The following EVC2 variants were observed in gnomAD, a reference collection of about 807,000 sequenced individuals.
EVC2 encodes limbin.
In EVC2, 148 loss-of-function variants were observed where a neutral mutation model predicts 149.3. The ratio of observed to expected loss-of-function variants is 0.99; its 90% CI spans 0.87 to 1.14. The LOEUF is 1.14. Among genes scored for constraint, EVC2 ranks in the 50% most tolerant of loss-of-function variants. EVC2 has a pLI of 0.00. For missense variants in EVC2, 1,854 were observed against 1,627.3 expected, an observed-to-expected ratio of 1.14 and a Z score of -2.40; for synonymous variants, 776 against 649.9, an observed-to-expected ratio of 1.19 and a Z score of -2.95.
At chr4:5,630,349 C>T (rs1716442621) in intron 11 of EVC2, among the ~76,000 whole-genome samples, 1 of 152,274 alleles carries the variant, frequency 6.6e-6, no homozygotes, top group African/African-American at 2.4e-5. Flanking sequence ...ATGCTGAGGA[C>T]CTGCTCACAG....
At chr4:5,659,528 G>C (rs1003375916) in intron 9 of EVC2, among the ~76,000 whole-genome samples, 14 of 152,052 alleles carry the variant, frequency 9.2e-5, no homozygotes, top group African/African-American at 3.4e-4. Context: ...CTGGGGGAGA[G>C]GAAGAGAGGA....
chr4:5,648,864 A>G (rs1717911530), intron 9 of EVC2, among the ~76,000 whole-genome samples: 1 of 152,188 alleles, frequency 6.6e-6, no homozygotes, highest in Admixed American at 6.5e-5. Flanking sequence ...ACGTCGATTA[A>G]AATACCATGC....
intron 8 of EVC2, among the ~76,000 whole-genome samples, chr4:5,665,061 C>T (rs1719173663): frequency 6.6e-6 from 1 of 151,076 alleles, no homozygotes; most frequent in South Asian, 2.1e-4. Context: ...TAATGGGATG[C>T]ATGTGGGTGA....
intron 17 of EVC2, among the ~76,000 whole-genome samples, chr4:5,583,959 G>C (rs957110926): frequency 2.0e-5 from 3 of 151,604 alleles, no homozygotes; most frequent in Non-Finnish European, 4.4e-5. Context: ...CTGGGTTCAA[G>C]CGATTCTCCT....
At chr4:5,705,761 A>G (rs1722091514) in intron 1 of EVC2, among the ~76,000 whole-genome samples, 2 of 152,096 alleles carry the variant, frequency 1.3e-5, no homozygotes, top group Admixed American at 1.3e-4. Context: ...ATGAGTAGAA[A>G]AAGTAAGTAA....
At chr4:5,671,035 T>C (rs1163386451) in intron 7 of EVC2, among the ~76,000 whole-genome samples, 1 of 152,220 alleles carries the variant, frequency 6.6e-6, no homozygotes, top group East Asian at 1.9e-4. Flanking sequence ...TCACAGAACA[T>C]GTATTATGCA....
At chr4:5,603,536 G>T (rs960919307) in intron 16 of EVC2, among the ~76,000 whole-genome samples, 2 of 152,230 alleles carry the variant, frequency 1.3e-5, no homozygotes, top group East Asian at 1.9e-4. Context: ...TCTGAAGTCA[G>T]AGAGAGTGAA....
intron 9 of EVC2, among the ~76,000 whole-genome samples, chr4:5,644,431 A>C (rs975464127): frequency 1.3e-5 from 2 of 151,970 alleles, no homozygotes; most frequent in African/African-American, 4.8e-5. Flanking sequence ...CAGCCTCCCG[A>C]GTAGCTGGGA....
At chr4:5,666,952 A>G (rs1163941664) in intron 7 of EVC2, among the ~76,000 whole-genome samples, 1 of 152,160 alleles carries the variant, frequency 6.6e-6, no homozygotes, top group Admixed American at 6.5e-5. Context: ...CTTTCCCTCA[A>G]GATGTTGATG....
At chr4:5,557,961 T>C (rs1410435818), downstream of EVC2, among the ~76,000 whole-genome samples, 3 of 152,112 alleles carry the variant, frequency 2.0e-5, no homozygotes, top group African/African-American at 7.2e-5. Context: ...GAAGATTCAA[T>C]ATTGTGGAGA....
rs79080306 is a variant in EVC2 at position 5,565,499 on chromosome 4, A to C, written c.3558-140T>G. The C allele has an allele frequency of 6.2e-4, 434 of 700,314 alleles. 4 individuals carry two copies. The East Asian group carries it at 0.013, about 21-fold the overall frequency. 43.4% of individuals were successfully genotyped at this position (700,314 alleles called of 1,614,324 possible). A position where few individuals can be genotyped will look rare whatever the true frequency, so the allele number is the denominator to read the frequency against. Reference sequence around the variant, plus strand: ...CAGCCTGGCCAACATGGTGAAACCCAGTCTCTACTAAAAAATACAAAAATT... The same window carrying C: ...CAGCCTGGCCAACATGGTGAAACCCCGTCTCTACTAAAAAATACAAAAATT... On this transcript the variant is annotated intron_variant, in intron 20 of 21. Coordinates refer to ENST00000344408, the MANE Select transcript of EVC2 (RefSeq NM_147127.5).
intron 1 of EVC2, among the ~76,000 whole-genome samples, chr4:5,702,432 G>C (rs1046174140): frequency 6.6e-6 from 1 of 152,190 alleles, no homozygotes. Context: ...CTGGCATCTA[G>C]AAGGCCCTCA....
chr4:5,579,936 T>G (rs955105281), intron 17 of EVC2, among the ~76,000 whole-genome samples: 1 of 152,128 alleles, frequency 6.6e-6, no homozygotes, highest in Non-Finnish European at 1.5e-5. Context: ...TGGGTACCAT[T>G]TGTTTGGGGT....
At chr4:5,605,953 C>T (rs751580248) in intron 16 of EVC2, among the ~76,000 whole-genome samples, 1 of 152,192 alleles carries the variant, frequency 6.6e-6, no homozygotes, top group African/African-American at 2.4e-5. Flanking sequence ...AGCCAATCCC[C>T]TTCCTGACGG....
intron 21 of EVC2, among the ~76,000 whole-genome samples, chr4:5,546,082 G>A (rs907292608): frequency 5.3e-5 from 8 of 152,210 alleles, no homozygotes; most frequent in African/African-American, 1.9e-4. Context: ...TGGAGAGGAT[G>A]TGGAGAAACA....
At chr4:5,585,462 C>T (rs1712191052) in intron 16 of EVC2, among the ~76,000 whole-genome samples, 1 of 152,222 alleles carries the variant, frequency 6.6e-6, no homozygotes, top group East Asian at 1.9e-4. Flanking sequence ...ATGTAGGCTT[C>T]AAACCAGGTG....
intron 16 of EVC2, among the ~76,000 whole-genome samples, chr4:5,594,551 C>A (rs190202409): frequency 6.6e-6 from 1 of 152,134 alleles, no homozygotes; most frequent in East Asian, 1.9e-4. Context: ...AGAAAGGACA[C>A]CCACACCAAA....
chr4:5,706,409 GATAC>G lies in EVC2; in HGVS notation c.228+1873_228+1876del, dbSNP rs1560243656. On this transcript the variant is annotated intron_variant, in intron 1 of 21. Coordinates refer to ENST00000344408, the MANE Select transcript of EVC2 (RefSeq NM_147127.5). ...AGATAGATACATAGATAGATAGATA[GATAC>G]ATAGATAGATAGATACATAGATAGA... is the stretch of plus-strand genomic sequence containing the variant. 4.5e-3 allele frequency among the ~76,000 whole-genome samples: 348 copies of G among 76,506 alleles called. 42 individuals carry two copies. The highest frequency in any genetic ancestry group is 7.5e-3 in the Non-Finnish European group (261 of 34,826). The allele number at this position is 76,506 out of a possible 152,430, so 50.2% of individuals were successfully genotyped here.
intron 9 of EVC2, among the ~76,000 whole-genome samples, chr4:5,649,581 T>C (rs1717966157): frequency 6.6e-6 from 1 of 152,208 alleles, no homozygotes; most frequent in Non-Finnish European, 1.5e-5. Flanking sequence ...AAAATTAGGA[T>C]AGAATTTGAC....
Sources: gnomAD v4.1 joint callset for allele counts (sites outside exome capture counted in the v4.1 genomes callset) on GRCh38, gnomAD v4.1.1 for gene constraint, MANE v1.5 for transcripts, NCBI Gene and HGNC (gene_info 2026-07-23, HGNC 2026-07-21) for gene names.